Variants in HACE1 observed in about 807,000 individuals in gnomAD.
The protein encoded by HACE1 is E3 ubiquitin-protein ligase HACE1.
HACE1 carries 73 observed loss-of-function variants against 118.4 expected under a neutral mutation model. The ratio of observed to expected loss-of-function variants is 0.62; its 90% CI spans 0.51 to 0.75. The LOEUF (loss-of-function observed/expected upper bound fraction) is 0.75. HACE1 is among the 30% of genes least tolerant of loss of function. The pLI is 0.00. For missense variants in HACE1, 749 were observed against 1,102.2 expected, an observed-to-expected ratio of 0.68 and a Z score of 4.54; for synonymous variants, 368 against 374.8, an observed-to-expected ratio of 0.98 and a Z score of 0.21.
chr6:104,785,653 A>G, intron 11 of HACE1: 1 of 277,362 alleles, frequency 3.6e-6, no homozygotes, highest in South Asian at 3.9e-5. Context: ...TTACTACTAT[A>G]TATAATCACC....
chr6:104,750,291 A>C, intron 20 of HACE1, 50 bp downstream of exon 20: 1 of 1,481,670 alleles, frequency 6.7e-7, no homozygotes, highest in East Asian at 2.3e-5. Flanking sequence ...TACATCAACT[A>C]GAGTTTTTTG....
intron 1 of HACE1, 87 bp from the exon 2 acceptor site, chr6:104,852,458 T>C (rs531659799): frequency 2.4e-6 from 2 of 821,608 alleles, no homozygotes; most frequent in Non-Finnish European, 4.1e-6. Flanking sequence ...TTCCTAACTC[T>C]ATACAAAAAG....
At chr6:104,767,508 A>G (rs1780143294) in intron 19 of HACE1, among the ~76,000 whole-genome samples, 1 of 152,104 alleles carries the variant, frequency 6.6e-6, no homozygotes, top group African/African-American at 2.4e-5. Context: ...TCACACTCCA[A>G]GCTGAGTTTG....
intron 7 of HACE1, among the ~76,000 whole-genome samples, chr6:104,806,853 C>T (rs1047628815): frequency 1.3e-5 from 2 of 152,018 alleles, no homozygotes; most frequent in Admixed American, 6.6e-5. Context: ...CAAACACTTT[C>T]GGCCCCCTAA....
chr6:104,801,632 G>A (rs186378381), intron 7 of HACE1, among the ~76,000 whole-genome samples: 1 of 152,156 alleles, frequency 6.6e-6, no homozygotes, highest in Non-Finnish European at 1.5e-5. Context: ...CACAAGTGAA[G>A]GAGAAATAAA....
At chr6:104,842,049 G>C (rs141677143) in intron 5 of HACE1, among the ~76,000 whole-genome samples, 108 of 152,272 alleles carry the variant, frequency 7.1e-4, no homozygotes, top group African/African-American at 2.4e-3. Context: ...AATGTTAACA[G>C]TAATTTTATC....
intron 6 of HACE1, among the ~76,000 whole-genome samples, chr6:104,826,901 C>T (rs903770288): frequency 6.6e-6 from 1 of 152,118 alleles, no homozygotes; most frequent in Non-Finnish European, 1.5e-5. Context: ...GAATGGGGTT[C>T]CCTCCTCCTT....
intron 6 of HACE1, among the ~76,000 whole-genome samples, chr6:104,814,899 C>A (rs950336352): frequency 2.9e-5 from 4 of 138,598 alleles, no homozygotes; most frequent in Admixed American, 2.8e-4. Context: ...GTCATGCTTC[C>A]TGTTAAGCCA....
chr6:104,791,386 T>A, intron 11 of HACE1, 118 bp downstream of exon 11: 1 of 854,900 alleles, frequency 1.2e-6, no homozygotes, highest in Non-Finnish European at 2.0e-6. Context: ...TTGAAAGTGA[T>A]ATGGGTATAA....
chr6:104,853,744 T>A (rs1215551247), intron 1 of HACE1, among the ~76,000 whole-genome samples: 1 of 152,150 alleles, frequency 6.6e-6, no homozygotes, highest in East Asian at 1.9e-4. Context: ...CTCAATATCA[T>A]ATAGTTACTG....
chr6:104,742,983 TA>T (rs1257349411), intron 22 of HACE1, among the ~76,000 whole-genome samples: 1 of 151,952 alleles, frequency 6.6e-6, no homozygotes, highest in Non-Finnish European at 1.5e-5. Context: ...TATGCAGCCA[TA>T]AAAAATGATG....
chr6:104,749,143 C>G (rs1164066218), intron 20 of HACE1, among the ~76,000 whole-genome samples: 3 of 152,066 alleles, frequency 2.0e-5, no homozygotes, highest in South Asian at 2.1e-4. Flanking sequence ...ATAGGTCCAG[C>G]AAATAACTAA....
At chr6:104,833,921 G>T (rs1774263635) in intron 5 of HACE1, among the ~76,000 whole-genome samples, 1 of 152,182 alleles carries the variant, frequency 6.6e-6, no homozygotes, top group African/African-American at 2.4e-5. Context: ...GGAGGCGGCA[G>T]TTGCGGTGAG....
At chr6:104,758,228 C>A (rs1345709506) in intron 19 of HACE1, among the ~76,000 whole-genome samples, 2 of 151,984 alleles carry the variant, frequency 1.3e-5, no homozygotes, top group Middle Eastern at 3.2e-3. Flanking sequence ...AGAAGAGCAA[C>A]CCCAAGACAT....
intron 19 of HACE1, among the ~76,000 whole-genome samples, chr6:104,757,205 G>C (rs964247220): frequency 7.9e-5 from 12 of 152,218 alleles, no homozygotes; most frequent in Admixed American, 3.3e-4. Flanking sequence ...GCTCTGAAGA[G>C]AGCAGTGGTT....
chr6:104,809,478 T>C (rs1771366280), intron 7 of HACE1, among the ~76,000 whole-genome samples: 1 of 152,070 alleles, frequency 6.6e-6, no homozygotes, highest in African/African-American at 2.4e-5. Context: ...AAAGAGTTGG[T>C]TGCATTTAAG....
At chr6:104,763,996 G>A (rs944423736) in intron 19 of HACE1, among the ~76,000 whole-genome samples, 3 of 151,744 alleles carry the variant, frequency 2.0e-5, no homozygotes, top group Admixed American at 6.6e-5. Flanking sequence ...GTAGTGGGCC[G>A]AGATCCCACC....
intron 1 of HACE1, among the ~76,000 whole-genome samples, chr6:104,856,058 T>C (rs1041438908): frequency 1.3e-5 from 2 of 152,208 alleles, no homozygotes; most frequent in Admixed American, 6.5e-5. Flanking sequence ...CAAGAAATAC[T>C]ATACTAAGAA....
chr6:104,766,092 TA>T (rs1243267180), intron 19 of HACE1, among the ~76,000 whole-genome samples: 7 of 152,010 alleles, frequency 4.6e-5, no homozygotes, highest in Non-Finnish European at 8.8e-5. Context: ...GAGCAGAAAA[TA>T]AGCAAAAGAA....
Sources: gnomAD v4.1 joint callset for allele counts (sites outside exome capture counted in the v4.1 genomes callset) on GRCh38, gnomAD v4.1.1 for gene constraint, MANE v1.5 for transcripts, NCBI Gene and HGNC (gene_info 2026-07-23, HGNC 2026-07-21) for gene names.